Variants in MYO1E observed in about 807,000 individuals in gnomAD.
The protein encoded by MYO1E is unconventional myosin-Ie.
A neutral mutation model predicts 151.1 loss-of-function variants in MYO1E; 68 were observed. That is an observed-to-expected ratio of 0.45 (90% confidence interval 0.37 to 0.55). The LOEUF (loss-of-function observed/expected upper bound fraction) is 0.55, where lower values mean the gene tolerates loss of function less well. Among genes scored for constraint, MYO1E ranks in the 20% least tolerant of loss-of-function variants. The probability of loss-of-function intolerance (pLI) is 0.00; values close to 1 mark genes in which losing one functional copy is unlikely to be tolerated. For missense variants in MYO1E, 1,363 were observed against 1,389.3 expected, an observed-to-expected ratio of 0.98 and a Z score of 0.30; for synonymous variants, 601 against 501.7, an observed-to-expected ratio of 1.20 and a Z score of -2.64.
At position 59,211,036 on chromosome 15, in the gene MYO1E, C is replaced by A. The variant is rs145951477; in HGVS notation, c.1276-436G>T. ...CCAACATGGTGAAACCCTGTCTCTA[C>A]TAAAAATACAAAAAGAAGCTGAGTG... is the stretch of plus-strand genomic sequence containing the variant. On this transcript the variant is annotated intron_variant, in intron 12 of 27. Coordinates refer to ENST00000288235, the MANE Select transcript of MYO1E (RefSeq NM_004998.4). 9.3e-3 allele frequency among the ~76,000 whole-genome samples: 1,411 copies of A among 151,946 alleles called. 9 individuals are homozygous for A. Among genetic ancestry groups the A allele is most frequent in the Non-Finnish European group, 0.017 (1,161 of 67,914 alleles).
Position 59,137,226 on chromosome 15 carries a change from CTT to C in MYO1E, c.*152_*153del. On this transcript the variant is annotated 3_prime_UTR_variant, in exon 28 of 28. Coordinates refer to ENST00000288235, the MANE Select transcript of MYO1E (RefSeq NM_004998.4). ...TGATACTCCCTGTCCCCAACCCAGC[CTT>C]TTCAGTGTCCTCCATGGGGAAGGTA... The C allele has an allele frequency of 2.8e-6, 2 of 725,584 alleles. No individual in the cohort carries two copies. Among genetic ancestry groups the C allele is most frequent in the South Asian group, 3.2e-5 (2 of 62,796 alleles). The allele number at this position is 725,584 out of a possible 1,614,324, so 44.9% of individuals were successfully genotyped here.
At position 59,160,342 on chromosome 15, in the gene MYO1E, T is replaced by TGTGC. The variant is rs1555407724; in HGVS notation, c.2785+730_2785+731insGCAC. 4.8e-5 allele frequency among the ~76,000 whole-genome samples: 6 copies of TGTGC among 126,054 alleles called. No individual in the cohort carries two copies. In the East Asian group the frequency reaches 1.2e-3, roughly 26 times the overall value. The allele number at this position is 126,054 out of a possible 152,430, so 82.7% of individuals were successfully genotyped here. ...ACTGGGGTTTGAGGTAGTGCGTGTG[T>TGTGC]GTGTGTGTGTGTGTGTGTGTGTGTG... On this transcript the variant is annotated intron_variant, in intron 24 of 27. Transcript: ENST00000288235.
intron 18 of MYO1E, among the ~76,000 whole-genome samples, chr15:59,186,093 T>C (rs1360773247): frequency 1.3e-5 from 2 of 152,218 alleles, no homozygotes; most frequent in African/African-American, 4.8e-5. Context: ...TTCCTAAATA[T>C]TTCTTTCACA....
At chr15:59,289,502 A>C (rs1183787841) in intron 1 of MYO1E, among the ~76,000 whole-genome samples, 9 of 152,210 alleles carry the variant, frequency 5.9e-5, no homozygotes, top group Admixed American at 3.3e-4. Flanking sequence ...CCTTGCACAT[A>C]AAAGTGCATA....
chr15:59,281,265 CT>C (rs2080351577), intron 1 of MYO1E, among the ~76,000 whole-genome samples: 1 of 151,344 alleles, frequency 6.6e-6, no homozygotes, highest in Non-Finnish European at 1.5e-5. Context: ...CTTTTCTTTT[CT>C]TTTTCTTTTC....
At chr15:59,255,248 G>A (rs1317024195) in intron 4 of MYO1E, among the ~76,000 whole-genome samples, 1 of 151,922 alleles carries the variant, frequency 6.6e-6, no homozygotes, top group Non-Finnish European at 1.5e-5. Context: ...CTCAGTAGCT[G>A]GGACTACAGA....
chr15:59,168,713 T>G (rs1407078673), intron 22 of MYO1E, among the ~76,000 whole-genome samples: 1 of 150,618 alleles, frequency 6.6e-6, no homozygotes, highest in Non-Finnish European at 1.5e-5. Flanking sequence ...CTTGACCTAT[T>G]GGGCTCAAGC....
chr15:59,148,261 A>C (rs1481164000), intron 26 of MYO1E, among the ~76,000 whole-genome samples: 1 of 152,170 alleles, frequency 6.6e-6, no homozygotes, highest in Admixed American at 6.5e-5. Flanking sequence ...TAAAAGAAAA[A>C]GGAAAGAATG....
At chr15:59,248,671 G>C (rs2080145762) in intron 4 of MYO1E, among the ~76,000 whole-genome samples, 1 of 151,936 alleles carries the variant, frequency 6.6e-6, no homozygotes, top group South Asian at 2.1e-4. Context: ...TTAATGAAAG[G>C]GGGTTGACTT....
chr15:59,313,155 A>G (rs2080563174), intron 1 of MYO1E, among the ~76,000 whole-genome samples: 1 of 152,216 alleles, frequency 6.6e-6, no homozygotes. Context: ...ATAAGTTTGT[A>G]ATTATCTATT....
At chr15:59,326,887 T>A (rs141361153) in intron 1 of MYO1E, among the ~76,000 whole-genome samples, 1 of 152,162 alleles carries the variant, frequency 6.6e-6, no homozygotes, top group African/African-American at 2.4e-5. Flanking sequence ...GACCAAGACC[T>A]GCCCCCTGCC....
At chr15:59,153,873 C>T in intron 25 of MYO1E, 82 bp from the exon 26 acceptor site, 2 of 1,313,378 alleles carry the variant, frequency 1.5e-6, no homozygotes, top group Non-Finnish European at 2.2e-6. Flanking sequence ...CTTCCATGTA[C>T]TACAAGGGCA....
At chr15:59,277,935 G>A (rs2080330745) in intron 1 of MYO1E, among the ~76,000 whole-genome samples, 1 of 152,206 alleles carries the variant, frequency 6.6e-6, no homozygotes, top group Non-Finnish European at 1.5e-5. Flanking sequence ...AGTTTTAGGA[G>A]AAATGTAACC....
At chr15:59,161,651 G>A (rs2079538952) in intron 23 of MYO1E, among the ~76,000 whole-genome samples, 1 of 152,188 alleles carries the variant, frequency 6.6e-6, no homozygotes, top group African/African-American at 2.4e-5. Flanking sequence ...ACACAGGCCA[G>A]CTTGAGGACT....
At chr15:59,164,979 G>A (rs2079556028) in intron 22 of MYO1E, among the ~76,000 whole-genome samples, 1 of 152,130 alleles carries the variant, frequency 6.6e-6, no homozygotes, top group African/African-American at 2.4e-5. Context: ...AGAGTGGTTT[G>A]CCCTTTCTGT....
intron 1 of MYO1E, among the ~76,000 whole-genome samples, chr15:59,275,647 G>A (rs1432030986): frequency 6.6e-6 from 1 of 152,186 alleles, no homozygotes; most frequent in Non-Finnish European, 1.5e-5. Flanking sequence ...CCACCCAGAT[G>A]AGGCAAAGGG....
At chr15:59,277,115 G>A (rs546041024) in intron 1 of MYO1E, among the ~76,000 whole-genome samples, 79 of 152,316 alleles carry the variant, frequency 5.2e-4, no homozygotes, top group African/African-American at 1.6e-3. Flanking sequence ...ACAGGGCAGT[G>A]GGGAGGAGGT....
At chr15:59,156,061 T>C (rs1179644144) in intron 25 of MYO1E, among the ~76,000 whole-genome samples, 1 of 152,238 alleles carries the variant, frequency 6.6e-6, no homozygotes, top group East Asian at 1.9e-4. Context: ...CTCACTCTGT[T>C]ACTCAGGCTG....
At chr15:59,315,530 G>A (rs1257925904) in intron 1 of MYO1E, among the ~76,000 whole-genome samples, 2 of 147,346 alleles carry the variant, frequency 1.4e-5, no homozygotes, top group African/African-American at 5.1e-5. Flanking sequence ...TCTTGCACAT[G>A]TACCCTAGAA....
Sources: gnomAD v4.1 joint callset for allele counts (sites outside exome capture counted in the v4.1 genomes callset) on GRCh38, gnomAD v4.1.1 for gene constraint, MANE v1.5 for transcripts, NCBI Gene and HGNC (gene_info 2026-07-23, HGNC 2026-07-21) for gene names.